Variants in LMTK3 observed in about 807,000 individuals in gnomAD.
LMTK3 encodes serine/threonine-protein kinase LMTK3.
A neutral mutation model predicts 116.7 loss-of-function variants in LMTK3; 27 were observed. The ratio of observed to expected loss-of-function variants is 0.23; its 90% confidence interval spans 0.17 to 0.32. LMTK3 has a LOEUF of 0.32. Ranked by LOEUF, LMTK3 falls within the 10% of genes least tolerant of loss-of-function variation. The pLI is 1.00. For synonymous variants in LMTK3, 965 were observed against 971.0 expected (o/e 0.99, Z 0.11); for missense variants, 1,764 against 2,068.5 (o/e 0.85, Z 2.86).
rs769186143 is a variant in LMTK3, at chr19:48,510,487, C to T, written c.182G>A (p.Cys61Tyr). Residue 61 changes from cysteine to tyrosine, a missense_variant, in exon 2 of 15, where the codon TGC becomes TAC. Cys to Tyr is a radical substitution (Grantham distance 194). Coordinates refer to ENST00000600059, the MANE Select transcript of LMTK3 (RefSeq NM_001388485.1). ...AFIFLLLTCL[C>Y]CKRGDVGFKE... ...GAAGCCGACATCGCCCCGTTTGCAG[C>T]ACAGACAGGTGAGGAGGAGGAAGAT... 3 of 1,597,620 alleles carry T rather than the reference C, an allele frequency of 1.9e-6. No homozygotes were observed. Among genetic ancestry groups the T allele is most frequent in the Non-Finnish European group, 2.6e-6 (3 of 1,172,338 alleles).
chr19:48,506,891 C>G (rs1379770147), intron 5 of LMTK3, among the ~76,000 whole-genome samples: 1 of 152,172 alleles, frequency 6.6e-6, no homozygotes, highest in Non-Finnish European at 1.5e-5. Flanking sequence ...GTCTCGAACT[C>G]CTGACCTCAT....
chr19:48,494,199 G>T lies in LMTK3; in HGVS notation c.3677-90C>A. 1 of 766,628 alleles carries T rather than the reference G, an allele frequency of 1.3e-6. No individual in the cohort carries two copies. Among genetic ancestry groups the T allele is most frequent in the Non-Finnish European group, 1.6e-6 (1 of 607,150 alleles). The allele number at this position is 766,628 out of a possible 1,614,324, so 47.5% of individuals were successfully genotyped here. On this transcript the variant is annotated intron_variant, in intron 11 of 14. Coordinates refer to ENST00000600059, the MANE Select transcript of LMTK3 (RefSeq NM_001388485.1). The surrounding 1 kb of genome is among the most constrained non-coding windows in gnomAD (Gnocchi z 4.0). ...CTGTGTGGCCTCAGATAAGACCCCC[G>T]CACAATCTGGGCCTCAGCACCCACT...
At chr19:48,509,837 GC>G (rs1972627331) in intron 3 of LMTK3, among the ~76,000 whole-genome samples, 185 bp downstream of exon 3, 2 of 152,086 alleles carry the variant, frequency 1.3e-5, no homozygotes, top group South Asian at 4.1e-4. Flanking sequence ...TTAAGCAATG[GC>G]TTCCACCAAG....
rs1972344989 is a variant in LMTK3, at chr19:48,497,338, C to G, written c.3676+55G>C. The G allele has an allele frequency of 7.1e-7, 1 of 1,411,172 alleles. No individual in the cohort carries two copies. 87.4% of individuals were successfully genotyped at this position (1,411,172 alleles called of 1,614,324 possible). ...CATGTTTACCCACACTCACCCTCCG[C>G]ACGCCTCGGAAACAGCCGGACCTCA... On this transcript the variant is annotated intron_variant, in intron 11 of 14. Coordinates refer to ENST00000600059, the MANE Select transcript of LMTK3 (RefSeq NM_001388485.1). The surrounding 1 kb of genome is among the most constrained non-coding windows in gnomAD (Gnocchi z 5.7).
At chr19:48,509,136 G>A (rs962806671) in intron 4 of LMTK3, among the ~76,000 whole-genome samples, 167 bp from the exon 5 acceptor site, 2 of 152,166 alleles carry the variant, frequency 1.3e-5, no homozygotes, top group African/African-American at 2.4e-5. Context: ...GACACTCACG[G>A]GCCCAGAATC....
At chr19:48,506,880 G>A (rs1601057012) in intron 5 of LMTK3, among the ~76,000 whole-genome samples, 1 of 152,274 alleles carries the variant, frequency 6.6e-6, no homozygotes, top group East Asian at 1.9e-4. Context: ...TGGCCAGGCT[G>A]GTCTCGAACT....
chr19:48,485,809 A>T lies in LMTK3; in HGVS notation c.4367-20T>A, dbSNP rs950033932. On this transcript the variant is annotated intron_variant, in intron 14 of 14. Transcript: ENST00000600059. ...CGGGGCCTGAGGATGGACAGAGGAGACAGAGAAATGAAATTACTAGGGGGA... is the reference window on the plus strand; with the variant it reads ...CGGGGCCTGAGGATGGACAGAGGAGTCAGAGAAATGAAATTACTAGGGGGA... 46 of 1,604,634 alleles carry T rather than the reference A, an allele frequency of 2.9e-5. No homozygotes were observed. The highest frequency in any genetic ancestry group is 3.7e-5 in the Non-Finnish European group (43 of 1,176,218).
At chr19:48,502,203 T>C (rs1355889750) in intron 7 of LMTK3, among the ~76,000 whole-genome samples, 1 of 120,522 alleles carries the variant, frequency 8.3e-6, no homozygotes, top group African/African-American at 3.2e-5. Context: ...TTTCCTCTCC[T>C]GGCCCTTCCC....
intron 4 of LMTK3, among the ~76,000 whole-genome samples, 183 bp downstream of exon 4, chr19:48,509,254 A>G (rs1470097928): frequency 7.1e-6 from 1 of 139,972 alleles, no homozygotes; most frequent in Non-Finnish European, 1.6e-5. Flanking sequence ...GCTGACTGAC[A>G]GATGTCGGGG....
chr19:48,507,618 T>C (rs938810142), intron 5 of LMTK3, among the ~76,000 whole-genome samples: 3 of 152,234 alleles, frequency 2.0e-5, no homozygotes, highest in African/African-American at 7.2e-5. Context: ...TATTTATTTA[T>C]TTATATAATA....
chr19:48,510,971 G>T (rs1347332525), intron 1 of LMTK3, among the ~76,000 whole-genome samples: 1 of 152,208 alleles, frequency 6.6e-6, no homozygotes, highest in African/African-American at 2.4e-5. Flanking sequence ...CGTTGGGGAG[G>T]AGGACTAGCT....
At chr19:48,502,353 C>A in intron 7 of LMTK3, 80 bp downstream of exon 7, 7 of 1,493,536 alleles carry the variant, frequency 4.7e-6, no homozygotes, top group Non-Finnish European at 6.4e-6. Flanking sequence ...GTCCGCCCCC[C>A]CTCTAGCCCC....
chr19:48,499,929 TG>T lies in LMTK3; in HGVS notation c.1152-13del, dbSNP rs988310887. 9.0e-6 allele frequency: 14 copies of T among 1,563,490 alleles called. No individual in the cohort carries two copies. Among genetic ancestry groups the T allele is most frequent in the Non-Finnish European group, 8.6e-7 (1 of 1,157,872 alleles). On this transcript the variant is annotated splice_polypyrimidine_tract_variant and intron_variant, in intron 10 of 14. Coordinates refer to ENST00000600059, the MANE Select transcript of LMTK3 (RefSeq NM_001388485.1). ...GAAGAATGTCATACCTGGGGAGAGG[TG>T]GGGCAGAGTGAGCAGGGCAGAGACC...
At chr19:48,509,685 C>T (rs1206979291) in intron 3 of LMTK3, among the ~76,000 whole-genome samples, 172 bp from the exon 4 acceptor site, 1 of 152,168 alleles carries the variant, frequency 6.6e-6, no homozygotes, top group Non-Finnish European at 1.5e-5. Context: ...TCACAAGGCT[C>T]CAGCATCCAA....
chr19:48,503,268 G>A (rs932562873), intron 5 of LMTK3, among the ~76,000 whole-genome samples: 29 of 152,142 alleles, frequency 1.9e-4, no homozygotes, highest in African/African-American at 5.8e-4. Context: ...GGCTGGTCTC[G>A]AACTCCTGAC....
intron 5 of LMTK3, among the ~76,000 whole-genome samples, chr19:48,503,486 A>C (rs1601054035): frequency 6.7e-6 from 1 of 149,190 alleles, no homozygotes; most frequent in East Asian, 2.0e-4. Flanking sequence ...GGACCCCTTT[A>C]CCTCTCCTTC....
intron 12 of LMTK3, 26 bp downstream of exon 12, chr19:48,493,668 A>G (rs1972269358): frequency 6.5e-7 from 1 of 1,546,730 alleles, no homozygotes; most frequent in African/African-American, 1.4e-5. Flanking sequence ...CGCGACCCCG[A>G]AACCGCGCCC....
At position 48,494,018 on chromosome 19, in the gene LMTK3, C is replaced by T; in HGVS notation, c.3768G>A (p.Ala1256=). 1 of 1,134,164 alleles carries T rather than the reference C, an allele frequency of 8.8e-7. No individual in the cohort carries two copies. Among genetic ancestry groups the T allele is most frequent in the Non-Finnish European group, 1.1e-6 (1 of 928,146 alleles). 70.3% of individuals were successfully genotyped at this position (1,134,164 alleles called of 1,614,324 possible). A position where few individuals can be genotyped will look rare whatever the true frequency, so the allele number is the denominator to read the frequency against. Residue 1256 remains alanine, a synonymous_variant, in exon 12 of 15, where the codon GCG becomes GCA. Transcript: ENST00000600059. The surrounding 1 kb of genome is among the most constrained non-coding windows in gnomAD (Gnocchi z 4.0). ...PGPRRPPWEG[A]DAGAAGGEAG... Reference sequence around the variant, plus strand: ...CCTCCCCGCCAGCCGCCCCGGCGTCCGCGCCCTCCCACGGGGGCCGCCGCG... The same window carrying T: ...CCTCCCCGCCAGCCGCCCCGGCGTCTGCGCCCTCCCACGGGGGCCGCCGCG...
At position 48,498,732 on chromosome 19, in the gene LMTK3, G is replaced by C. The variant is rs754222356; in HGVS notation, c.2337C>G (p.Pro779=). ...GGCCCGGCGACGAGAGGCCTGAACC[G>C]GGACTGGCCACGGCCGAAGGGGGGT... The part of the protein sequence containing the change: ...SPDPPSAVAS[P]GSGLSSPGPK... The change falls in exon 11 of 15, where the codon CCC becomes CCG. Residue 779 remains proline, a synonymous_variant. Coordinates refer to ENST00000600059, the MANE Select transcript of LMTK3 (RefSeq NM_001388485.1). 3.9e-6 allele frequency: 6 copies of C among 1,531,152 alleles called. No homozygotes were observed. The highest frequency in any genetic ancestry group is 1.2e-5 in the South Asian group (1 of 83,878). The allele number at this position is 1,531,152 out of a possible 1,614,324, so 94.8% of individuals were successfully genotyped here. A position where few individuals can be genotyped will look rare whatever the true frequency, so the allele number is the denominator to read the frequency against.
Sources: gnomAD v4.1 joint callset for allele counts (sites outside exome capture counted in the v4.1 genomes callset) on GRCh38, gnomAD v4.1.1 for gene constraint, Gnocchi (gnomAD v3.1) non-coding constraint, MANE v1.5 for transcripts, NCBI Gene and HGNC (gene_info 2026-07-23, HGNC 2026-07-21) for gene names.